NFKBIA: variants seen among roughly 807,000 people sequenced by gnomAD.
The protein encoded by NFKBIA is NF-kappa-B inhibitor alpha.
A neutral mutation model predicts 36.3 loss-of-function variants in NFKBIA; 10 were observed. The observed-to-expected ratio is 0.28, with a 90% CI of 0.17 to 0.47. The LOEUF (loss-of-function observed/expected upper bound fraction) is 0.47. NFKBIA is among the 20% of genes least tolerant of loss of function. The pLI is 0.99. For synonymous variants in NFKBIA, 205 were observed against 164.4 expected (o/e 1.25, Z -1.89); for missense variants, 355 against 399.3 (o/e 0.89, Z 0.94).
chr14:35,402,290 C>A, intron 5 of NFKBIA, 104 bp downstream of exon 5: 7 of 1,408,332 alleles, frequency 5.0e-6, no homozygotes, highest in South Asian at 3.5e-5. Context: ...TTGAGAGACT[C>A]ATTATGTAGA....
Position 35,404,471 on chromosome 14 carries a change from C to T in NFKBIA, c.174G>A (p.Glu58=), listed in dbSNP as rs2138834065. 1.2e-6 allele frequency: 2 copies of T among 1,601,078 alleles called. No homozygotes were observed. Among genetic ancestry groups the T allele is most frequent in the South Asian group, 1.1e-5 (1 of 89,428 alleles). ...ELQEIRLEPQ[E]VPRGSEPWKQ... ...TCCAGGGCTCCGAGCCGCGCGGCAC[C>T]TCCTGCGGCTCGAGGCGGATCTCCT... Residue 58 remains glutamate, a synonymous_variant, in exon 1 of 6, where the codon GAG becomes GAA. Transcript: ENST00000216797.
At position 35,404,629 on chromosome 14, in the gene NFKBIA, C is replaced by T. The variant is rs923187160; in HGVS notation, c.16G>A (p.Glu6Lys). The T allele has an allele frequency of 8.6e-6, 13 of 1,517,066 alleles. No individual in the cohort carries two copies. The highest frequency in any genetic ancestry group is 2.8e-5 in the East Asian group (1 of 35,860). 94.0% of individuals were successfully genotyped at this position (1,517,066 alleles called of 1,614,324 possible). ...TCCATGGCCCACTCCTGGGGGCGCTCGGCCGCCTGGAACATGGCGCGGACG... is the reference window on the plus strand; with the variant it reads ...TCCATGGCCCACTCCTGGGGGCGCTTGGCCGCCTGGAACATGGCGCGGACG... Reference protein sequence around the residue: MFQAAERPQEWAMEGP... With the variant: MFQAAKRPQEWAMEGP... Residue 6 changes from glutamate (E) to lysine (K), a missense_variant, in exon 1 of 6, where the codon GAG (glutamate) becomes AAG (lysine). Coordinates refer to ENST00000216797, the MANE Select transcript of NFKBIA (RefSeq NM_020529.3).
Position 35,404,658 on chromosome 14 carries a change from T to C in NFKBIA, c.-14A>G. 6.8e-7 allele frequency: 1 copy of C among 1,460,838 alleles called. No individual in the cohort carries two copies. Among genetic ancestry groups the C allele is most frequent in the African/African-American group, 1.5e-5 (1 of 67,964 alleles). The allele number at this position is 1,460,838 out of a possible 1,614,324, so 90.5% of individuals were successfully genotyped here. ...CGCCTGGAACATGGCGCGGACGAGC[T>C]GCGGGCGCTGCTGCGGGTGCGCTGG... On this transcript the variant is annotated 5_prime_UTR_variant, in exon 1 of 6. Transcript: ENST00000216797.
In NFKBIA at chr14:35,402,054, AG is replaced by A; in HGVS notation, c.912del (p.Tyr305MetfsTer11). ...EFTEFTEDEL[P>X]YDDCVFGGQR... Reference sequence around the variant, plus strand: ...TGGCCTCCAAACACACAGTCATCATAGGGCAGCTGAAAACAAGGGGAAAAAA... The same window carrying A: ...TGGCCTCCAAACACACAGTCATCATAGGCAGCTGAAAACAAGGGGAAAAAA... On this transcript the variant is annotated frameshift_variant, in exon 6 of 6. Transcript: ENST00000216797. LOFTEE classifies it high-confidence loss of function. 6.2e-7 allele frequency: 1 copy of A among 1,614,084 alleles called. No individual in the cohort carries two copies. The highest frequency in any genetic ancestry group is 8.5e-7 in the Non-Finnish European group (1 of 1,180,014).
At chr14:35,403,050 G>T (rs762176654) in intron 3 of NFKBIA, 100 bp downstream of exon 3, 188 of 1,412,030 alleles carry the variant, frequency 1.3e-4, no homozygotes, top group Non-Finnish European at 1.8e-4. Flanking sequence ...AATGTTAGGA[G>T]TTTAAGCTCT....
intron 3 of NFKBIA, 50 bp downstream of exon 3, chr14:35,403,100 A>G (rs2052745986): frequency 6.3e-7 from 1 of 1,587,408 alleles, no homozygotes; most frequent in Non-Finnish European, 8.6e-7. Context: ...CCCCTTCTCC[A>G]CGTCACCTGC....
At position 35,401,527 on chromosome 14, in the gene NFKBIA, T is replaced by C. The variant is rs1296279185; in HGVS notation, c.*486A>G. 1 of 208,824 alleles carries C rather than the reference T, an allele frequency of 4.8e-6. No homozygotes were observed. The highest frequency in any genetic ancestry group is 5.5e-5 in the Admixed American group (1 of 18,168). 12.9% of individuals were successfully genotyped at this position (208,824 alleles called of 1,614,324 possible). ...AGGATAACTCATTTGTAAAAATCTG[T>C]TTAATAAATATACATCATAAAAGTA... is the stretch of plus-strand genomic sequence containing the variant. On this transcript the variant is annotated 3_prime_UTR_variant, in exon 6 of 6. Coordinates refer to ENST00000216797, the MANE Select transcript of NFKBIA (RefSeq NM_020529.3).
Position 35,403,137 on chromosome 14 carries a change from G to A in NFKBIA, c.547+13C>T, listed in dbSNP as rs1230769424. ...CTCCGAGGGGGTGGGGCAGGGCAGG[G>A]AGGCAGACATACCATTGTAGTTGGT... On this transcript the variant is annotated intron_variant, in intron 3 of 5. Coordinates refer to ENST00000216797, the MANE Select transcript of NFKBIA (RefSeq NM_020529.3). The A allele has an allele frequency of 6.2e-7, 1 of 1,608,164 alleles. No homozygotes were observed. Among genetic ancestry groups the A allele is most frequent in the Admixed American group, 1.7e-5 (1 of 59,952 alleles).
intron 3 of NFKBIA, 35 bp from the exon 4 acceptor site, chr14:35,402,894 G>C (rs1381769081): frequency 6.3e-7 from 1 of 1,576,648 alleles, no homozygotes; most frequent in Admixed American, 1.7e-5. Context: ...ATAACCACCT[G>C]TTTCAACCCT....
intron 3 of NFKBIA, 101 bp downstream of exon 3, chr14:35,403,049 A>G: frequency 7.2e-7 from 1 of 1,388,438 alleles, no homozygotes; most frequent in Non-Finnish European, 1.0e-6. Flanking sequence ...AAATGTTAGG[A>G]GTTTAAGCTC....
intron 1 of NFKBIA, chr14:35,404,060 G>A: frequency 2.0e-6 from 1 of 493,350 alleles, no homozygotes; most frequent in Non-Finnish European, 3.7e-6. Flanking sequence ...TCCCCTCCCG[G>A]CTGCTCGGCG....
Position 35,401,909 on chromosome 14 carries a change from T to C in NFKBIA, c.*104A>G. 7.6e-7 allele frequency: 1 copy of C among 1,323,422 alleles called. No individual in the cohort carries two copies. The highest frequency in any genetic ancestry group is 2.4e-5 in the East Asian group (1 of 41,232). 82.0% of individuals were successfully genotyped at this position (1,323,422 alleles called of 1,614,324 possible). ...GGCCAGGCAGTGTGCAGTGTGGATA[T>C]AAGTACACCCTTTAAATTTTTTCTT... On this transcript the variant is annotated 3_prime_UTR_variant, in exon 6 of 6. Coordinates refer to ENST00000216797, the MANE Select transcript of NFKBIA (RefSeq NM_020529.3).
In NFKBIA at chr14:35,403,356, G is replaced by A. The variant is rs760056320; in HGVS notation, c.341C>T (p.Pro114Leu). The A allele has an allele frequency of 2.5e-5, 41 of 1,613,838 alleles. No individual in the cohort carries two copies. The highest frequency in any genetic ancestry group is 3.1e-5 in the Non-Finnish European group (37 of 1,180,022). ...LNFQNNLQQT[P>L]LHLAVITNQP... ...GTTGGTGATCACAGCCAAGTGGAGT[G>A]GAGTCTACGAATGCAAGAGAGACCA... The change falls in exon 3 of 6, where the codon CCA becomes CTA. Residue 114 changes from proline to leucine, a missense_variant. Transcript: ENST00000216797.
In NFKBIA at chr14:35,404,457, G is replaced by C. The variant is rs376762724; in HGVS notation, c.188C>G (p.Ser63Trp). The change falls in exon 1 of 6, where the codon TCG (serine) becomes TGG (tryptophan). Residue 63 changes from serine (S) to tryptophan (W), a missense_variant. Physicochemically the swap from Ser to Trp is radical, Grantham distance 177. Coordinates refer to ENST00000216797, the MANE Select transcript of NFKBIA (RefSeq NM_020529.3). ...GGTGAGCTGCTGCTTCCAGGGCTCC[G>C]AGCCGCGCGGCACCTCCTGCGGCTC... The part of the protein sequence containing the change: ...RLEPQEVPRG[S>W]EPWKQQLTED... 1 of 1,542,190 alleles carries C rather than the reference G, an allele frequency of 6.5e-7. No homozygotes were observed. Among genetic ancestry groups the C allele is most frequent in the South Asian group, 1.1e-5 (1 of 88,314 alleles).
intron 4 of NFKBIA, 42 bp from the exon 5 acceptor site, chr14:35,402,705 G>T: frequency 6.2e-7 from 1 of 1,614,202 alleles, no homozygotes. Context: ...GCTGCATTTG[G>T]AATTTCTGCT....
chr14:35,402,102 G>A (rs373151820), intron 5 of NFKBIA, 42 bp from the exon 6 acceptor site: 117 of 1,612,600 alleles, frequency 7.3e-5, no homozygotes, highest in African/African-American at 3.5e-4. Context: ...CTTCCGGAGC[G>A]GAGCTCTGCC....
In NFKBIA at chr14:35,402,023, A is replaced by C. The variant is rs761313156; in HGVS notation, c.944T>G (p.Leu315Arg). The change falls in exon 6 of 6, where the codon CTG becomes CGG. Residue 315 changes from leucine (L) to arginine (R), a missense_variant. Physicochemically the swap from Leu to Arg is moderately radical, Grantham distance 102. Transcript: ENST00000216797. The part of the protein sequence containing the change: ...YDDCVFGGQR[L>R]TL ...TCAGCCCCTTTGCGCTCATAACGTC[A>C]GACGCTGGCCTCCAAACACACAGTC... 8.1e-6 allele frequency: 13 copies of C among 1,613,980 alleles called. No homozygotes were observed. The highest frequency in any genetic ancestry group is 3.3e-4 in the Middle Eastern group (2 of 6,076).
Position 35,403,756 on chromosome 14 carries a change from G to T in NFKBIA, c.270C>A (p.Thr90=), listed in dbSNP as rs780297815. 10 of 1,613,926 alleles carry T rather than the reference G, an allele frequency of 6.2e-6. No homozygotes were observed. The South Asian group carries it at 1.1e-4, about 18-fold the overall frequency. ...CCTTCACCTGGCGGATCACTTCCAT[G>T]GTCAGTGCCTTTTCTTCATGGATGA... ...LAIIHEEKAL[T]MEVIRQVKGD... The change falls in exon 2 of 6, where the codon ACC becomes ACA. Residue 90 remains threonine (T), a synonymous_variant. Coordinates refer to ENST00000216797, the MANE Select transcript of NFKBIA (RefSeq NM_020529.3).
In NFKBIA at chr14:35,401,952, A is replaced by G. The variant is rs2052730716; in HGVS notation, c.*61T>C. On this transcript the variant is annotated 3_prime_UTR_variant, in exon 6 of 6. Coordinates refer to ENST00000216797, the MANE Select transcript of NFKBIA (RefSeq NM_020529.3). ...TTTTTCTTCTTTTTTCTTTTTTTAG[A>G]AAAATAAAACTTTTTTTTTGTACAA... 1 of 1,593,058 alleles carries G rather than the reference A, an allele frequency of 6.3e-7. No homozygotes were observed. The highest frequency in any genetic ancestry group is 1.7e-5 in the Admixed American group (1 of 59,568).
Sources: allele counts gnomAD v4.1 joint callset, GRCh38; gene constraint gnomAD v4.1.1; transcripts MANE v1.5; gene names NCBI Gene and HGNC (gene_info 2026-07-23, HGNC 2026-07-21).